BGN: variants seen among roughly 807,000 people sequenced by gnomAD.
The protein encoded by BGN is biglycan.
BGN carries 6 observed loss-of-function variants against 20.0 expected under a neutral mutation model. The observed-to-expected ratio is 0.30, with a 90% CI of 0.16 to 0.59. BGN has a LOEUF of 0.59. Ranked by LOEUF, BGN falls within the 20% of genes least tolerant of loss-of-function variation. The pLI is 0.88. For missense variants in BGN, 292 were observed against 312.1 expected (o/e 0.94, Z 0.49); for synonymous variants, 146 against 134.6 (o/e 1.08, Z -0.59).
At chrX:153,501,195 T>TG (rs1556991813) in intron 1 of BGN, among the ~76,000 whole-genome samples, 2 of 112,102 alleles carry the variant, frequency 1.8e-5, no homozygotes, top group Non-Finnish European at 3.8e-5. Context: ...TGTGTGTGTG[T>TG]TTGTGTGTGT....
rs1419059461 is a variant in BGN, at chrX:153,495,062, C to T, written c.-63C>T. On this transcript the variant is annotated 5_prime_UTR_variant, in exon 1 of 8. Transcript: ENST00000331595. ...GACAGATAGACGTGCGGACGGCCCA[C>T]CACCCCAGCCCGCCAACTAGTCAGC... The T allele has an allele frequency of 9.1e-6, 1 of 110,229 alleles. No homozygotes were observed. Among genetic ancestry groups the T allele is most frequent in the Non-Finnish European group, 1.9e-5 (1 of 52,693 alleles). 9.1% of individuals were successfully genotyped at this position (110,229 alleles called of 1,213,427 possible).
intron 3 of BGN, among the ~76,000 whole-genome samples, 176 bp from the exon 4 acceptor site, chrX:153,505,687 C>A (rs1180383695): frequency 9.0e-6 from 1 of 111,525 alleles, no homozygotes; most frequent in East Asian, 2.8e-4. Flanking sequence ...GCAGTGGTGG[C>A]ACTGCTGGGG....
chrX:153,505,186 G>A (rs988831316), intron 2 of BGN, 52 bp from the exon 3 acceptor site: 24 of 1,043,455 alleles, frequency 2.3e-5, no homozygotes, highest in African/African-American at 1.5e-4. Context: ...GGTGGTGGGG[G>A]TGGGGCCCCT....
intron 3 of BGN, 29 bp downstream of exon 3, chrX:153,505,379 T>C (rs2089792344): frequency 8.7e-7 from 1 of 1,150,800 alleles, no homozygotes; most frequent in Non-Finnish European, 1.2e-6. Context: ...CCAGCAGGCC[T>C]ACAGCAGAGG....
rs782407838 is a variant in BGN, at chrX:153,508,813, A to C, written c.*368A>C. The C allele has an allele frequency of 5.8e-5, 15 of 259,750 alleles. No homozygotes were observed. In the South Asian group the frequency reaches 9.2e-4, roughly 16 times the overall value. The allele number at this position is 259,750 out of a possible 1,213,427, so 21.4% of individuals were successfully genotyped here. ...TGGGTCAGCAGCCAGGAGGCGGTCC[A>C]TAAGAATGGGGACAGTGGGCTCTGC... is the stretch of plus-strand genomic sequence containing the variant. On this transcript the variant is annotated 3_prime_UTR_variant, in exon 8 of 8. Transcript: ENST00000331595.
chrX:153,505,299 C>G lies in BGN; in HGVS notation c.300C>G (p.Asn100Lys). The change falls in exon 3 of 8, where the codon AAC becomes AAG. Residue 100 changes from asparagine to lysine, a missense_variant. By Grantham distance (94) the Asn-to-Lys change is moderately conservative. Coordinates refer to ENST00000331595, the MANE Select transcript of BGN (RefSeq NM_001711.6). Reference sequence around the variant, plus strand: ...CCACGCTGCTGGACCTGCAGAACAACGACATCTCCGAGCTCCGCAAGGATG... The same window carrying G: ...CCACGCTGCTGGACCTGCAGAACAAGGACATCTCCGAGCTCCGCAAGGATG... ...PDTTLLDLQN[N>K]DISELRKDDF... The G allele has an allele frequency of 8.3e-7, 1 of 1,210,727 alleles. No individual in the cohort carries two copies. The highest frequency in any genetic ancestry group is 1.1e-6 in the Non-Finnish European group (1 of 894,744).
Position 153,507,038 on chromosome X carries a change from C to T in BGN, c.771-9C>T, listed in dbSNP as rs369095288. On this transcript the variant is annotated splice_polypyrimidine_tract_variant and intron_variant, in intron 6 of 7. Coordinates refer to ENST00000331595, the MANE Select transcript of BGN (RefSeq NM_001711.6). ...AGCCTTTGAGTCCGTGTCATTCTCCCGCTCACAGGCTGGGCCTAGGCCACA... is the reference window on the plus strand; with the variant it reads ...AGCCTTTGAGTCCGTGTCATTCTCCTGCTCACAGGCTGGGCCTAGGCCACA... The T allele has an allele frequency of 5.6e-5, 68 of 1,208,706 alleles. No individual in the cohort carries two copies. Among genetic ancestry groups the T allele is most frequent in the Non-Finnish European group, 6.7e-5 (60 of 893,953 alleles).
rs2089818868 is a variant in BGN, at chrX:153,508,386, G to A, written c.1048G>A (p.Ala350Thr). Residue 350 changes from alanine (A) to threonine (T), a missense_variant, in exon 8 of 8, where the codon GCC becomes ACC. Ala to Thr is a moderately conservative substitution (Grantham distance 58). Transcript: ENST00000331595. ...CGTGCCCTACTGGGAGGTGCAGCCG[G>A]CCACTTTCCGCTGCGTCACTGACCG... ...NPVPYWEVQP[A>T]TFRCVTDRLA... The A allele has an allele frequency of 8.3e-7, 1 of 1,210,884 alleles. No individual in the cohort carries two copies. The highest frequency in any genetic ancestry group is 1.1e-6 in the Non-Finnish European group (1 of 895,438).
chrX:153,504,278 CAGG>C (rs2089781851), intron 1 of BGN, among the ~76,000 whole-genome samples: 1 of 112,660 alleles, frequency 8.9e-6, no homozygotes, highest in Admixed American at 9.3e-5. Flanking sequence ...CGCCCTAAAG[CAGG>C]CTTCTGGCAG....
At position 153,509,059 on chromosome X, in the gene BGN, T is replaced by TCTC. The variant is rs1569532510; in HGVS notation, c.*614_*615insCTC. On this transcript the variant is annotated 3_prime_UTR_variant, in exon 8 of 8. Transcript: ENST00000331595. ...TCTCTCTCTCTCTCTCTCTCTCTCT[T>TCTC]TCTGTGTGTGTGTGTGTGTGTGTGT... is the stretch of plus-strand genomic sequence containing the variant. 3 of 57,741 alleles carry TCTC rather than the reference T, an allele frequency of 5.2e-5. No individual in the cohort carries two copies. Among genetic ancestry groups the TCTC allele is most frequent in the East Asian group, 7.8e-4 (1 of 1,283 alleles). The allele number at this position is 57,741 out of a possible 1,213,427, so 4.8% of individuals were successfully genotyped here. A position where few individuals can be genotyped will look rare whatever the true frequency, so the allele number is the denominator to read the frequency against.
At chrX:153,506,401 C>A in intron 4 of BGN, 128 bp from the exon 5 acceptor site, 1 of 612,562 alleles carries the variant, frequency 1.6e-6, no homozygotes, top group Non-Finnish European at 2.6e-6. Context: ...GGTAAATTAG[C>A]AGAACTGCTT....
In BGN at chrX:153,506,827, C is replaced by A. The variant is rs113471463; in HGVS notation, c.677-3C>A. 25 of 1,208,340 alleles carry A rather than the reference C, an allele frequency of 2.1e-5. No individual in the cohort carries two copies. The Admixed American group carries it at 3.1e-4, about 15-fold the overall frequency. ...TCTCCCCTGTGCCCTCTTCTCCTGG[C>A]AGACCTCCCTGAGACCCTGAATGAA... On this transcript the variant is annotated splice_region_variant and splice_polypyrimidine_tract_variant and intron_variant, in intron 5 of 7. Coordinates refer to ENST00000331595, the MANE Select transcript of BGN (RefSeq NM_001711.6).
chrX:153,509,061 CTG>C lies in BGN; in HGVS notation c.*660_*661del, dbSNP rs60374028. On this transcript the variant is annotated 3_prime_UTR_variant, in exon 8 of 8. Coordinates refer to ENST00000331595, the MANE Select transcript of BGN (RefSeq NM_001711.6). ...TCTCTCTCTCTCTCTCTCTCTCTTT[CTG>C]TGTGTGTGTGTGTGTGTGTGTGTGT... is the stretch of plus-strand genomic sequence containing the variant. 6,443 of 83,812 alleles carry C rather than the reference CTG, an allele frequency of 0.077. 436 individuals carry two copies. Among genetic ancestry groups the C allele is most frequent in the Admixed American group, 0.27 (1,945 of 7,204 alleles). 6.9% of individuals were successfully genotyped at this position (83,812 alleles called of 1,213,427 possible).
chrX:153,503,884 G>A (rs887098712), intron 1 of BGN, among the ~76,000 whole-genome samples: 1 of 111,276 alleles, frequency 9.0e-6, no homozygotes, highest in Non-Finnish European at 1.9e-5. Context: ...GGGGGGCTGG[G>A]GCGGGTGGTC....
intron 4 of BGN, 88 bp from the exon 5 acceptor site, chrX:153,506,441 A>G: frequency 1.2e-6 from 1 of 837,134 alleles, no homozygotes; most frequent in African/African-American, 2.0e-5. Context: ...GGCAGGTAGC[A>G]GGGCCCACCA....
At chrX:153,501,893 C>A (rs2089763125) in intron 1 of BGN, among the ~76,000 whole-genome samples, 1 of 111,925 alleles carries the variant, frequency 8.9e-6, no homozygotes, top group Non-Finnish European at 1.9e-5. Flanking sequence ...CTCTTGGAGA[C>A]CCCCCAGACA....
intron 1 of BGN, 38 bp from the exon 2 acceptor site, chrX:153,504,583 G>T: frequency 9.4e-7 from 1 of 1,061,293 alleles, no homozygotes; most frequent in Non-Finnish European, 1.3e-6. Context: ...AAGACAGGTG[G>T]GTGCTGGTGC....
Position 153,506,344 on chromosome X carries a change from GTCC to G in BGN, c.566-183_566-181del, listed in dbSNP as rs1394984388. 3.8e-4 allele frequency among the ~76,000 whole-genome samples: 43 copies of G among 112,133 alleles called. 2 individuals carry two copies. On this transcript the variant is annotated intron_variant, in intron 4 of 7. Coordinates refer to ENST00000331595, the MANE Select transcript of BGN (RefSeq NM_001711.6). ...CCTCTTGCTGCCCCTGGAGCTAGCA[GTCC>G]TGGGGCTAGCAGTCCTGAACAGCTA...
At position 153,505,111 on chromosome X, in the gene BGN, C is replaced by G; in HGVS notation, c.239-127C>G. Reference sequence around the variant, plus strand: ...GGTCCTCCCTACCAGTGGGGCTAGTCGGCTGGATGGCTCCAAGTTCATGCT... The same window carrying G: ...GGTCCTCCCTACCAGTGGGGCTAGTGGGCTGGATGGCTCCAAGTTCATGCT... On this transcript the variant is annotated intron_variant, in intron 2 of 7. Transcript: ENST00000331595. 6.6e-6 allele frequency: 4 copies of G among 601,844 alleles called. No homozygotes were observed. In the Admixed American group the frequency reaches 1.2e-4, roughly 18 times the overall value. 49.6% of individuals were successfully genotyped at this position (601,844 alleles called of 1,213,427 possible).
Sources: allele counts gnomAD v4.1 joint callset (sites outside exome capture counted in the v4.1 genomes callset), GRCh38; gene constraint gnomAD v4.1.1; transcripts MANE v1.5; gene names NCBI Gene and HGNC (gene_info 2026-07-23, HGNC 2026-07-21).